Variants in ALDH1B1 observed in about 807,000 individuals in gnomAD.
ALDH1B1 encodes the protein aldehyde dehydrogenase 1 family member B1, also known as aldehyde dehydrogenase family 1 member B1, mitochondrial.
Under a neutral mutation model 26.2 loss-of-function variants are expected in ALDH1B1, and 19 were observed. The observed-to-expected ratio is 0.72, with a 90% CI of 0.51 to 1.06. The LOEUF (loss-of-function observed/expected upper bound fraction) is 1.06. Ranked by LOEUF, ALDH1B1 falls within the 50% of genes least tolerant of loss-of-function variation. The pLI is 0.00. For synonymous variants in ALDH1B1, 249 were observed against 286.0 expected (o/e 0.87, Z 1.31); for missense variants, 671 against 683.1 (o/e 0.98, Z 0.20).
chr9:38,396,158 T>C lies in ALDH1B1; in HGVS notation c.410T>C (p.Leu137Ser). Reference protein sequence around the residue: ...NGKPFQESYALDLDEVIKVYR... With the variant: ...NGKPFQESYASDLDEVIKVYR... ...AAGCCTTTCCAAGAGTCTTACGCCT[T>C]GGACTTGGATGAGGTCATCAAGGTG... The change falls in exon 2 of 2, where the codon TTG (leucine) becomes TCG (serine). Residue 137 changes from leucine to serine, a missense_variant. Physicochemically the swap from Leu to Ser is moderately radical, Grantham distance 145 (BLOSUM62 -2). Coordinates refer to ENST00000377698, the MANE Select transcript of ALDH1B1 (RefSeq NM_000692.5). 6.2e-7 allele frequency: 1 copy of C among 1,614,164 alleles called. No homozygotes were observed. Among genetic ancestry groups the C allele is most frequent in the Non-Finnish European group, 8.5e-7 (1 of 1,180,020 alleles).
rs747679760 is a variant in ALDH1B1, at chr9:38,397,017, C to G, written c.1269C>G (p.Pro423=). 1.9e-6 allele frequency: 3 copies of G among 1,614,134 alleles called. No homozygotes were observed. Among genetic ancestry groups the G allele is most frequent in the Admixed American group, 3.3e-5 (2 of 60,020 alleles). ...AKEEIFGPVQ[P]LFKFKKIEEV... ...AGGAGATCTTTGGGCCTGTGCAGCC[C>G]CTGTTCAAGTTCAAGAAGATTGAGG... The change falls in exon 2 of 2, where the codon CCC becomes CCG. Residue 423 remains proline, a synonymous_variant. Coordinates refer to ENST00000377698, the MANE Select transcript of ALDH1B1 (RefSeq NM_000692.5).
chr9:38,396,605 T>C lies in ALDH1B1; in HGVS notation c.857T>C (p.Leu286Pro), dbSNP rs1352229299. Reference protein sequence around the residue: ...DSNLKRVTLELGGKSPSIVLA... With the variant: ...DSNLKRVTLEPGGKSPSIVLA... ...AACCTCAAGAGAGTCACCCTGGAGC[T>C]GGGTGGTAAGAGCCCCAGCATCGTG... The change falls in exon 2 of 2, where the codon CTG becomes CCG. Residue 286 changes from leucine (L) to proline (P), a missense_variant. Leu to Pro is a moderately conservative substitution (Grantham distance 98). Coordinates refer to ENST00000377698, the MANE Select transcript of ALDH1B1 (RefSeq NM_000692.5). The C allele has an allele frequency of 6.2e-7, 1 of 1,613,920 alleles. No homozygotes were observed. The highest frequency in any genetic ancestry group is 1.3e-5 in the African/African-American group (1 of 74,936).
At position 38,396,348 on chromosome 9, in the gene ALDH1B1, C is replaced by T. The variant is rs371750489; in HGVS notation, c.600C>T (p.Leu200=). ...AGGGTTGGAAACTTGCCCCGGCACT[C>T]GCCACAGGCAACACTGTGGTTATGA... ...VMQGWKLAPA[L]ATGNTVVMKV... Residue 200 remains leucine (L), a synonymous_variant, in exon 2 of 2, where the codon CTC becomes CTT. Transcript: ENST00000377698. 3.1e-5 allele frequency: 50 copies of T among 1,614,074 alleles called. No homozygotes were observed. The highest frequency in any genetic ancestry group is 5.3e-5 in the African/African-American group (4 of 74,932).
chr9:38,396,587 A>G lies in ALDH1B1; in HGVS notation c.839A>G (p.Lys280Arg). 3 of 1,613,522 alleles carry G rather than the reference A, an allele frequency of 1.9e-6. No homozygotes were observed. The highest frequency in any genetic ancestry group is 2.5e-6 in the Non-Finnish European group (3 of 1,179,540). Reference sequence around the variant, plus strand: ...AAAGCAGCTGGCGATTCCAACCTCAAGAGAGTCACCCTGGAGCTGGGTGGT... The same window carrying G: ...AAAGCAGCTGGCGATTCCAACCTCAGGAGAGTCACCCTGGAGCTGGGTGGT... ...IQKAAGDSNL[K>R]RVTLELGGKS... Residue 280 changes from lysine (K) to arginine (R), a missense_variant, in exon 2 of 2, where the codon AAG (lysine) becomes AGG (arginine). Coordinates refer to ENST00000377698, the MANE Select transcript of ALDH1B1 (RefSeq NM_000692.5).
At position 38,395,720 on chromosome 9, in the gene ALDH1B1, T is replaced by G; in HGVS notation, c.-9-20T>G. The G allele has an allele frequency of 1.1e-5, 17 of 1,542,900 alleles. No homozygotes were observed. The highest frequency in any genetic ancestry group is 1.5e-5 in the Non-Finnish European group (17 of 1,144,148). ...GCCTTCTCCCACCTGTTCACCCTGGTTTCTTTTGTCCCTCTCCAGAGTGTC... is the reference window on the plus strand; with the variant it reads ...GCCTTCTCCCACCTGTTCACCCTGGGTTCTTTTGTCCCTCTCCAGAGTGTC... On this transcript the variant is annotated intron_variant, in intron 1 of 1. Coordinates refer to ENST00000377698, the MANE Select transcript of ALDH1B1 (RefSeq NM_000692.5).
Position 38,396,278 on chromosome 9 carries a change from G to A in ALDH1B1, c.530G>A (p.Gly177Asp). 2.5e-6 allele frequency: 4 copies of A among 1,614,198 alleles called. No individual in the cohort carries two copies. Among genetic ancestry groups the A allele is most frequent in the South Asian group, 1.1e-5 (1 of 91,092 alleles). ...HFCFTRHEPV[G>D]VCGQIIPWNF... ...TGCTTCACCCGGCATGAGCCCGTTG[G>A]TGTCTGTGGCCAGATCATCCCGTGG... Residue 177 changes from glycine to aspartate, a missense_variant, in exon 2 of 2, where the codon GGT becomes GAT. By Grantham distance (94) the Gly-to-Asp change is moderately conservative. Transcript: ENST00000377698.
rs1821323502 is a variant in ALDH1B1, at chr9:38,397,971, C to T, written c.*669C>T. The T allele has an allele frequency of 6.0e-6, 1 of 167,108 alleles. No individual in the cohort carries two copies. The highest frequency in any genetic ancestry group is 2.4e-5 in the African/African-American group (1 of 41,444). 10.4% of individuals were successfully genotyped at this position (167,108 alleles called of 1,614,324 possible). A position where few individuals can be genotyped will look rare whatever the true frequency, so the allele number is the denominator to read the frequency against. On this transcript the variant is annotated 3_prime_UTR_variant, in exon 2 of 2. Transcript: ENST00000377698. ...TTTCCATGGAATATTCCTTGGATTA[C>T]TCAGCCATAAAAAGGAATGAAGTAC... is the stretch of plus-strand genomic sequence containing the variant.
At position 38,395,828 on chromosome 9, in the gene ALDH1B1, G is replaced by C; in HGVS notation, c.80G>C (p.Ser27Thr). The change falls in exon 2 of 2, where the codon AGC becomes ACC. Residue 27 changes from serine to threonine, a missense_variant. By Grantham distance (58) the Ser-to-Thr change is moderately conservative (BLOSUM62 1). Transcript: ENST00000377698. ...TACTCCTCGGCAGCAGCCCTCCCAA[G>C]CCCCATTCTGAACCCAGACATCCCC... Reference protein sequence around the residue: ...ARYSSAAALPSPILNPDIPYN... With the variant: ...ARYSSAAALPTPILNPDIPYN... 6.2e-7 allele frequency: 1 copy of C among 1,612,972 alleles called. No individual in the cohort carries two copies. Among genetic ancestry groups the C allele is most frequent in the Non-Finnish European group, 8.5e-7 (1 of 1,180,018 alleles).
In ALDH1B1 at chr9:38,398,549, A is replaced by C. The variant is rs1821333355; in HGVS notation, c.*1247A>C. 6.3e-6 allele frequency: 1 copy of C among 159,882 alleles called. No homozygotes were observed. Among genetic ancestry groups the C allele is most frequent in the Admixed American group, 6.6e-5 (1 of 15,262 alleles). 9.9% of individuals were successfully genotyped at this position (159,882 alleles called of 1,614,324 possible). A position where few individuals can be genotyped will look rare whatever the true frequency, so the allele number is the denominator to read the frequency against. On this transcript the variant is annotated 3_prime_UTR_variant, in exon 2 of 2. Transcript: ENST00000377698. The stretch of plus-strand genomic sequence containing the variant: ...AGGCTGATCTTGAACTCCTGACCTC[A>C]GGTGATCCACCCGCCTCAGCCTCCC...
In ALDH1B1 at chr9:38,397,309, C is replaced by T; in HGVS notation, c.*7C>T. 6.2e-7 allele frequency: 1 copy of T among 1,600,944 alleles called. No homozygotes were observed. The highest frequency in any genetic ancestry group is 8.5e-7 in the Non-Finnish European group (1 of 1,171,460). Reference sequence around the variant, plus strand: ...TCCTCAGAAGAACTCGTAAGAGCAGCTGTCAGGGAGGCCCAGTCACAGTCC... The same window carrying T: ...TCCTCAGAAGAACTCGTAAGAGCAGTTGTCAGGGAGGCCCAGTCACAGTCC... On this transcript the variant is annotated 3_prime_UTR_variant, in exon 2 of 2. Transcript: ENST00000377698.
Position 38,396,920 on chromosome 9 carries a change from T to G in ALDH1B1, c.1172T>G (p.Phe391Cys). 6.2e-7 allele frequency: 1 copy of G among 1,614,144 alleles called. No homozygotes were observed. Among genetic ancestry groups the G allele is most frequent in the Non-Finnish European group, 8.5e-7 (1 of 1,180,032 alleles). ...AAACTCCTCTGTGGCGGAGAGCGTT[T>G]CGGGGAGCGTGGTTTCTTCATCAAG... is the stretch of plus-strand genomic sequence containing the variant. ...GAKLLCGGER[F>C]GERGFFIKPT... Residue 391 changes from phenylalanine (F) to cysteine (C), a missense_variant, in exon 2 of 2, where the codon TTC (phenylalanine) becomes TGC (cysteine). Physicochemically the swap from Phe to Cys is radical, Grantham distance 205. Transcript: ENST00000377698.
Position 38,397,070 on chromosome 9 carries a change from G to A in ALDH1B1, c.1322G>A (p.Arg441Lys). Residue 441 changes from arginine to lysine, a missense_variant, in exon 2 of 2, where the codon AGG becomes AAG. Transcript: ENST00000377698. ...GTGGTTGAGAGGGCCAACAACACCA[G>A]GTATGGCCTGGCTGCGGCTGTGTTC... ...EEVVERANNT[R>K]YGLAAAVFTR... 1.2e-6 allele frequency: 2 copies of A among 1,614,196 alleles called. No homozygotes were observed. Among genetic ancestry groups the A allele is most frequent in the South Asian group, 1.1e-5 (1 of 91,082 alleles).
chr9:38,392,774 C>G lies in ALDH1B1; in HGVS notation c.-43C>G. ...GGGAGGGCCGGAACCAGAACCCAAG[C>G]GTGATCCTGAACCGGAGCCCGAGCC... On this transcript the variant is annotated 5_prime_UTR_variant, in exon 1 of 2. Coordinates refer to ENST00000377698, the MANE Select transcript of ALDH1B1 (RefSeq NM_000692.5). 1 of 985,652 alleles carries G rather than the reference C, an allele frequency of 1.0e-6. No individual in the cohort carries two copies. Among genetic ancestry groups the G allele is most frequent in the South Asian group, 4.7e-5 (1 of 21,290 alleles). The allele number at this position is 985,652 out of a possible 1,614,324, so 61.1% of individuals were successfully genotyped here.
Position 38,393,282 on chromosome 9 carries a change from G to C in ALDH1B1, c.-10+475G>C, listed in dbSNP as rs113915945. Among the ~76,000 whole-genome samples, 1,234 of 152,306 alleles carry C rather than the reference G, an allele frequency of 8.1e-3. 8 individuals are homozygous for C. The highest frequency in any genetic ancestry group is 0.026 in the African/African-American group (1,091 of 41,556). ...TGGGGTGAGGCTCCTATACTTTCTT[G>C]CTGTGTGTCCTCGGTGAGTCCCTGA... On this transcript the variant is annotated intron_variant, in intron 1 of 1. Transcript: ENST00000377698.
Position 38,397,532 on chromosome 9 carries a change from G to A in ALDH1B1, c.*230G>A, listed in dbSNP as rs753142944. On this transcript the variant is annotated 3_prime_UTR_variant, in exon 2 of 2. Transcript: ENST00000377698. Reference sequence around the variant, plus strand: ...ACCCCCAACCACAGCCCCCTTGGTGGCCCATGAGTTGCTTCCATGAAATCT... The same window carrying A: ...ACCCCCAACCACAGCCCCCTTGGTGACCCATGAGTTGCTTCCATGAAATCT... 2 of 584,514 alleles carry A rather than the reference G, an allele frequency of 3.4e-6. No homozygotes were observed. The highest frequency in any genetic ancestry group is 3.7e-5 in the African/African-American group (2 of 53,580). The allele number at this position is 584,514 out of a possible 1,614,324, so 36.2% of individuals were successfully genotyped here.
chr9:38,396,999 C>T lies in ALDH1B1; in HGVS notation c.1251C>T (p.Ile417=). ...ACATGAGAATTGCCAAAGAGGAGAT[C>T]TTTGGGCCTGTGCAGCCCCTGTTCA... ...QDDMRIAKEE[I]FGPVQPLFKF... Residue 417 remains isoleucine (I), a synonymous_variant, in exon 2 of 2, where the codon ATC becomes ATT. Transcript: ENST00000377698. 1 of 1,614,182 alleles carries T rather than the reference C, an allele frequency of 6.2e-7. No individual in the cohort carries two copies. The highest frequency in any genetic ancestry group is 8.5e-7 in the Non-Finnish European group (1 of 1,180,028).
rs1244756606 is a variant in ALDH1B1, at chr9:38,396,054, C to T, written c.306C>T (p.Gly102=). 6.2e-7 allele frequency: 1 copy of T among 1,613,878 alleles called. No individual in the cohort carries two copies. Among genetic ancestry groups the T allele is most frequent in the Admixed American group, 1.7e-5 (1 of 60,016 alleles). ...PWRRMDASER[G]RLLNRLADLV... is the part of the protein sequence containing the mutation. Reference sequence around the variant, plus strand: ...GCCGGATGGATGCCTCTGAGCGGGGCCGGCTGCTGAACCGCCTGGCAGACC... The same window carrying T: ...GCCGGATGGATGCCTCTGAGCGGGGTCGGCTGCTGAACCGCCTGGCAGACC... The change falls in exon 2 of 2, where the codon GGC becomes GGT. Residue 102 remains glycine (G), a synonymous_variant. Coordinates refer to ENST00000377698, the MANE Select transcript of ALDH1B1 (RefSeq NM_000692.5).
Position 38,397,196 on chromosome 9 carries a change from G to C in ALDH1B1, c.1448G>C (p.Gly483Ala), listed in dbSNP as rs1016240981. ...YNIVTCHTPF[G>A]GFKESGNGRE... ...ATCGTCACCTGCCACACGCCATTTG[G>C]AGGGTTTAAGGAATCTGGAAACGGG... The change falls in exon 2 of 2, where the codon GGA (glycine) becomes GCA (alanine). Residue 483 changes from glycine (G) to alanine (A), a missense_variant. Coordinates refer to ENST00000377698, the MANE Select transcript of ALDH1B1 (RefSeq NM_000692.5). The C allele has an allele frequency of 1.2e-6, 2 of 1,614,172 alleles. No individual in the cohort carries two copies. The highest frequency in any genetic ancestry group is 1.7e-5 in the Admixed American group (1 of 60,022).
Position 38,395,985 on chromosome 9 carries a change from C to A in ALDH1B1, c.237C>A (p.Ala79=). 1 of 1,613,674 alleles carries A rather than the reference C, an allele frequency of 6.2e-7. No homozygotes were observed. Among genetic ancestry groups the A allele is most frequent in the Non-Finnish European group, 8.5e-7 (1 of 1,180,006 alleles). ...AEGDRADVDR[A]VKAAREAFRL... Reference sequence around the variant, plus strand: ...GTGACCGGGCTGATGTGGATCGGGCCGTGAAAGCAGCCCGGGAAGCCTTCC... The same window carrying A: ...GTGACCGGGCTGATGTGGATCGGGCAGTGAAAGCAGCCCGGGAAGCCTTCC... The change falls in exon 2 of 2, where the codon GCC becomes GCA. Residue 79 remains alanine, a synonymous_variant. Transcript: ENST00000377698.
Sources: allele counts gnomAD v4.1 joint callset (sites outside exome capture counted in the v4.1 genomes callset), GRCh38; gene constraint gnomAD v4.1.1; transcripts MANE v1.5; gene names NCBI Gene and HGNC (gene_info 2026-07-23, HGNC 2026-07-21).